Variants in SMC2 observed in about 807,000 individuals in gnomAD.
SMC2 encodes structural maintenance of chromosomes protein 2.
SMC2 carries 41 observed loss-of-function variants against 142.6 expected under a neutral mutation model. The observed-to-expected ratio is 0.29, with a 90% CI of 0.22 to 0.37. SMC2 has a LOEUF of 0.37. Among genes scored for constraint, SMC2 ranks in the 10% least tolerant of loss-of-function variants. The pLI, the probability that SMC2 is intolerant of heterozygous loss-of-function variation, is 1.00. For synonymous variants in SMC2, 463 were observed against 457.5 expected, an observed-to-expected ratio of 1.01 and a Z score of -0.15; for missense variants, 1,265 against 1,373.7, an observed-to-expected ratio of 0.92 and a Z score of 1.25.
intron 4 of SMC2, among the ~76,000 whole-genome samples, chr9:104,099,378 G>A (rs1350861711): frequency 6.6e-6 from 1 of 152,002 alleles, no homozygotes. Flanking sequence ...AACTGTCTCA[G>A]AAACATGATC....
At chr9:104,138,787 G>C (rs529866186) in intron 24 of SMC2, among the ~76,000 whole-genome samples, 2 of 152,272 alleles carry the variant, frequency 1.3e-5, no homozygotes, top group South Asian at 4.1e-4. Context: ...CAGAAGTTCT[G>C]TTTGGGCTAG....
At chr9:104,116,066 A>C in intron 13 of SMC2, 134 bp from the exon 14 acceptor site, 5 of 683,392 alleles carry the variant, frequency 7.3e-6, no homozygotes, top group Non-Finnish European at 1.1e-5. Context: ...ATGATGTTCC[A>C]TTGCATATGT....
chr9:104,123,356 C>T, intron 17 of SMC2, 124 bp downstream of exon 17: 2 of 899,904 alleles, frequency 2.2e-6, no homozygotes, highest in Non-Finnish European at 3.1e-6. Context: ...AGGGAAAATC[C>T]AAGTATGGGA....
chr9:104,116,977 A>G (rs1017987894), intron 14 of SMC2, among the ~76,000 whole-genome samples: 1 of 152,248 alleles, frequency 6.6e-6, no homozygotes, highest in South Asian at 2.1e-4. Flanking sequence ...TTCCAAGTAC[A>G]TCAGTTGAAA....
chr9:104,094,523 C>T (rs1370316877), intron 1 of SMC2, 46 bp downstream of exon 1: 5 of 335,896 alleles, frequency 1.5e-5, no homozygotes, highest in Admixed American at 5.2e-5. Flanking sequence ...GGCCAGACTT[C>T]CTGGCGGGAG....
upstream of SMC2, among the ~76,000 whole-genome samples, chr9:104,090,095 T>C (rs1829966520): frequency 6.6e-6 from 1 of 152,300 alleles, no homozygotes; most frequent in Admixed American, 6.5e-5. Context: ...TCACGAAAAG[T>C]AAATGAGAAG....
chr9:104,095,241 C>G (rs1412544355), intron 1 of SMC2, 83 bp from the exon 2 acceptor site: 1 of 632,478 alleles, frequency 1.6e-6, no homozygotes, highest in African/African-American at 1.8e-5. Context: ...TTCTATCACC[C>G]TATCGTTGCT....
At chr9:104,122,807 C>CT (rs1054794721) in intron 16 of SMC2, among the ~76,000 whole-genome samples, 1 of 148,904 alleles carries the variant, frequency 6.7e-6, no homozygotes, top group Non-Finnish European at 1.5e-5. Context: ...ATTTTTTTTT[C>CT]TTTTTAGTTA....
At chr9:104,118,514 T>C (rs963857820) in intron 15 of SMC2, 139 bp downstream of exon 15, 12 of 674,890 alleles carry the variant, frequency 1.8e-5, no homozygotes, top group South Asian at 1.7e-4. Context: ...CAGTGCCACC[T>C]ACCTCCTGTC....
At chr9:104,120,697 G>A (rs1199816996) in intron 16 of SMC2, among the ~76,000 whole-genome samples, 1 of 152,156 alleles carries the variant, frequency 6.6e-6, no homozygotes, top group Non-Finnish European at 1.5e-5. Flanking sequence ...TGTAGGTATG[G>A]ATAAGATATG....
Position 104,123,108 on chromosome 9 carries a change from G to T in SMC2, c.2133G>T (p.Lys711Asn), listed in dbSNP as rs142563992. 2.6e-5 allele frequency: 42 copies of T among 1,605,964 alleles called. No homozygotes were observed. In the African/African-American group the frequency reaches 3.6e-4, roughly 14 times the overall value. The change falls in exon 17 of 25, where the codon AAG becomes AAT. Residue 711 changes from lysine (K) to asparagine (N), a missense_variant and splice_region_variant. This residue lies in a region of SMC2 where 898 missense variants were observed against 904.2 expected (regional missense o/e 0.99). Coordinates refer to ENST00000374793, the MANE Select transcript of SMC2 (RefSeq NM_006444.3). ...TCTTACATGTTTCTGTTTTTGTAAG[G>T]TATCGCCAACTAAAACAGCAGTGGG... Reference protein sequence around the residue: ...ELAGLKNTAEKYRQLKQQWEM... With the variant: ...ELAGLKNTAENYRQLKQQWEM...
Position 104,139,230 on chromosome 9 carries a change from G to C in SMC2, c.3509G>C (p.Arg1170Thr). The change falls in exon 25 of 25, where the codon AGA (arginine) becomes ACA (threonine). Residue 1170 changes from arginine (R) to threonine (T), a missense_variant. Arg to Thr is a moderately conservative substitution (Grantham distance 71). Around this residue, in one of 4 missense-constraint regions of SMC2, gnomAD observed 192 missense variants for 261.9 expected, o/e 0.73. Coordinates refer to ENST00000374793, the MANE Select transcript of SMC2 (RefSeq NM_006444.3). ...GTGGATGGTGTTTCTACAGTAGCCA[G>C]ATTTACTCAATGTCAAAATGGAAAG... ...KFVDGVSTVA[R>T]FTQCQNGKIS... 1.2e-6 allele frequency: 2 copies of C among 1,602,128 alleles called. No individual in the cohort carries two copies. Among genetic ancestry groups the C allele is most frequent in the Non-Finnish European group, 1.7e-6 (2 of 1,175,856 alleles).
At chr9:104,130,287 C>T (rs985059330) in intron 21 of SMC2, among the ~76,000 whole-genome samples, 1 of 152,090 alleles carries the variant, frequency 6.6e-6, no homozygotes, top group Non-Finnish European at 1.5e-5. Context: ...CTCAATTACT[C>T]AATAATGTTA....
intron 9 of SMC2, among the ~76,000 whole-genome samples, chr9:104,108,513 T>C (rs867719735): frequency 6.6e-6 from 1 of 152,212 alleles, no homozygotes; most frequent in African/African-American, 2.4e-5. Context: ...TGAGAACCTC[T>C]TTCCTGTTCC....
chr9:104,116,002 C>T (rs1049884429), intron 13 of SMC2, among the ~76,000 whole-genome samples, 198 bp from the exon 14 acceptor site: 20 of 149,188 alleles, frequency 1.3e-4, no homozygotes, highest in African/African-American at 4.9e-4. Context: ...GCATCATGTC[C>T]TCTGGGTTTA....
At chr9:104,102,238 C>CTATAT in intron 8 of SMC2, 45 bp downstream of exon 8, 1 of 1,216,530 alleles carries the variant, frequency 8.2e-7, no homozygotes, top group Non-Finnish European at 1.2e-6. Flanking sequence ...CTGTGAAAAA[C>CTATAT]GTACTAAATT....
At chr9:104,092,839 G>T (rs548466560), upstream of SMC2, 25 of 152,264 alleles carry the variant, frequency 1.6e-4, no homozygotes, top group African/African-American at 6.0e-4. Context: ...CATGACCTAC[G>T]CTATGGTCTA....
intron 8 of SMC2, 100 bp downstream of exon 8, chr9:104,102,293 T>C (rs946930105): frequency 3.7e-6 from 4 of 1,073,140 alleles, no homozygotes; most frequent in Non-Finnish European, 2.7e-6. Flanking sequence ...GTCTTCCGTA[T>C]TGATTTGTTA....
At chr9:104,115,055 C>T (rs894206585) in intron 13 of SMC2, among the ~76,000 whole-genome samples, 1 of 151,962 alleles carries the variant, frequency 6.6e-6, no homozygotes, top group African/African-American at 2.4e-5. Context: ...TTTGGGATCT[C>T]TTTGCTGTAT....
Sources: allele counts gnomAD v4.1 joint callset (sites outside exome capture counted in the v4.1 genomes callset), GRCh38; gene constraint gnomAD v4.1.1; regional missense constraint gnomAD v4.1.1; transcripts MANE v1.5; gene names NCBI Gene and HGNC (gene_info 2026-07-23, HGNC 2026-07-21).